The following MME variants were observed in gnomAD, a reference collection of about 807,000 sequenced individuals.
MME encodes membrane metalloendopeptidase, also known as neprilysin.
Under a neutral mutation model 113.2 loss-of-function variants are expected in MME, and 98 were observed. The observed-to-expected ratio is 0.87, with a 90% confidence interval of 0.74 to 1.02. The LOEUF (loss-of-function observed/expected upper bound fraction) is 1.02, where lower values mean the gene tolerates loss of function less well. Among genes scored for constraint, MME ranks in the 50% least tolerant of loss-of-function variants. The probability of loss-of-function intolerance (pLI) is 0.00; values close to 1 mark genes in which losing one functional copy is unlikely to be tolerated. For synonymous variants in MME, 292 were observed against 300.6 expected (o/e 0.97, Z 0.30); for missense variants, 836 against 896.0 (o/e 0.93, Z 0.86).
At chr3:155,153,424 CAT>C (rs1722089940) in intron 16 of MME, among the ~76,000 whole-genome samples, 1 of 152,150 alleles carries the variant, frequency 6.6e-6, no homozygotes, top group South Asian at 2.1e-4. Context: ...GTCATTATAA[CAT>C]AGAAATAGTG....
chr3:155,113,235 GT>G (rs921908413), intron 3 of MME, among the ~76,000 whole-genome samples: 1 of 152,144 alleles, frequency 6.6e-6, no homozygotes, highest in African/African-American at 2.4e-5. Context: ...AAAGGGGAAG[GT>G]AGGGTGATAC....
intron 3 of MME, among the ~76,000 whole-genome samples, chr3:155,104,710 G>T (rs1045342055): frequency 1.3e-5 from 2 of 152,164 alleles, no homozygotes; most frequent in Non-Finnish European, 2.9e-5. Context: ...CAGGGTCCAG[G>T]GAACTTGGGA....
rs974136227 is a variant in MME at position 155,065,678 on chromosome 3, A to G, written c.-10-18480A>G. Among the ~76,000 whole-genome samples, 6 of 152,354 alleles carry G rather than the reference A, an allele frequency of 3.9e-5. No homozygotes were observed. In the East Asian group the frequency reaches 7.7e-4, roughly 20 times the overall value. ...ACAAAGGTTAAGTTTTGGATTGCCT[A>G]ACTTAAAACATGAGTGAGATGACTT... On this transcript the variant is annotated intron_variant, in intron 1 of 22. Transcript: ENST00000492661.
chr3:155,135,059 G>A (rs1300461973), intron 8 of MME, among the ~76,000 whole-genome samples: 1 of 151,994 alleles, frequency 6.6e-6, no homozygotes. Flanking sequence ...TGCCTAGTTT[G>A]GGAATGTTTT....
At chr3:155,071,159 C>G (rs2108144298) in intron 1 of MME, among the ~76,000 whole-genome samples, 1 of 152,310 alleles carries the variant, frequency 6.6e-6, no homozygotes, top group Middle Eastern at 3.4e-3. Context: ...AAACTACCCT[C>G]CTTTCCCGTT....
chr3:155,150,988 A>C (rs1721880485), intron 16 of MME, among the ~76,000 whole-genome samples: 1 of 152,172 alleles, frequency 6.6e-6, no homozygotes, highest in South Asian at 2.1e-4. Flanking sequence ...CCTGCTTAAT[A>C]GTAATAAAGT....
chr3:155,143,287 G>A (rs1291495874), intron 12 of MME, among the ~76,000 whole-genome samples, 156 bp from the exon 13 acceptor site: 1 of 152,112 alleles, frequency 6.6e-6, no homozygotes. Context: ...CAATCCATTT[G>A]GATTACATTT....
chr3:155,061,761 A>C (rs1057073212), intron 1 of MME, among the ~76,000 whole-genome samples: 4 of 149,672 alleles, frequency 2.7e-5, no homozygotes, highest in Non-Finnish European at 4.4e-5. Flanking sequence ...TCATGGATTC[A>C]GGCCATTCTT....
chr3:155,039,403 G>T (rs1713232093), intron 1 of MME, among the ~76,000 whole-genome samples: 2 of 152,168 alleles, frequency 1.3e-5, no homozygotes, highest in South Asian at 4.1e-4. Context: ...GTATATTGTA[G>T]AATTGCGCAG....
At chr3:155,075,724 T>C (rs1327033778), upstream of MME, among the ~76,000 whole-genome samples, 3 of 152,188 alleles carry the variant, frequency 2.0e-5, no homozygotes, top group Non-Finnish European at 4.4e-5. Context: ...GGTCTCACTA[T>C]GTTGCTCAGG....
chr3:155,057,877 C>T (rs1019052648), intron 1 of MME, among the ~76,000 whole-genome samples: 8 of 151,928 alleles, frequency 5.3e-5, no homozygotes, highest in Non-Finnish European at 1.2e-4. Context: ...CCCTGTCTTG[C>T]TTATATATCT....
At chr3:155,055,592 G>A (rs1443194482) in intron 1 of MME, among the ~76,000 whole-genome samples, 8 of 149,066 alleles carry the variant, frequency 5.4e-5, no homozygotes, top group African/African-American at 1.2e-4. Flanking sequence ...GCAAGACACC[G>A]TCTCAAAAAA....
chr3:155,142,017 T>C lies in MME; in HGVS notation c.984T>C (p.Asn328=), dbSNP rs201415927. The change falls in exon 11 of 23, where the codon AAT becomes AAC. Residue 328 remains asparagine (N), a synonymous_variant. Transcript: ENST00000360490. ...GKPFSWLNFT[N]EIMSTVNISI... ...CATTCAGCTGGTTGAATTTCACAAA[T>C]GAAATCATGTCAACTGTGAATATTA... 3 of 1,613,718 alleles carry C rather than the reference T, an allele frequency of 1.9e-6. No individual in the cohort carries two copies. Among genetic ancestry groups the C allele is most frequent in the Admixed American group, 3.3e-5 (2 of 59,972 alleles).
At chr3:155,055,891 T>A (rs1268700256) in intron 1 of MME, among the ~76,000 whole-genome samples, 1 of 152,102 alleles carries the variant, frequency 6.6e-6, no homozygotes, top group Non-Finnish European at 1.5e-5. Context: ...AATTATAGGG[T>A]TTTTGTATTA....
chr3:155,059,172 T>A (rs1012301512), intron 1 of MME, among the ~76,000 whole-genome samples: 1 of 150,124 alleles, frequency 6.7e-6, no homozygotes, highest in Non-Finnish European at 1.5e-5. Flanking sequence ...GGAGAATCGC[T>A]TGAACCCGGC....
intron 21 of MME, 78 bp downstream of exon 21, chr3:155,172,290 T>C: frequency 2.0e-6 from 2 of 994,332 alleles, no homozygotes; most frequent in Non-Finnish European, 3.2e-6. Flanking sequence ...TGTCACATGC[T>C]GAGTTCCCTT....
chr3:155,109,581 T>A (rs1312674036), intron 3 of MME, among the ~76,000 whole-genome samples: 1 of 152,234 alleles, frequency 6.6e-6, no homozygotes, highest in African/African-American at 2.4e-5. Flanking sequence ...TATGGGACTA[T>A]ACTTTTTTGA....
At chr3:155,104,073 A>G (rs1717485034) in intron 3 of MME, among the ~76,000 whole-genome samples, 1 of 152,204 alleles carries the variant, frequency 6.6e-6, no homozygotes, top group Non-Finnish European at 1.5e-5. Context: ...GTTACCATCT[A>G]GGAGTTCACG....
rs1208709767 is a variant in MME at position 155,140,192 on chromosome 3, C to T, written c.857C>T (p.Ala286Val). 2.7e-5 allele frequency: 44 copies of T among 1,604,688 alleles called. No individual in the cohort carries two copies. Among genetic ancestry groups the T allele is most frequent in the Non-Finnish European group, 3.7e-5 (43 of 1,172,954 alleles). ...AATGATTAAAAATTAAATCCATAGG[C>T]TACGGCTAAACCTGAAGATCGAAAT... ...VMELEKEIAN[A>V]TAKPEDRNDP... Residue 286 changes from alanine to valine, a missense_variant and splice_region_variant, in exon 10 of 23, where the codon GCT becomes GTT. Coordinates refer to ENST00000360490, the MANE Select transcript of MME (RefSeq NM_007289.4).
Sources: allele counts gnomAD v4.1 joint callset (sites outside exome capture counted in the v4.1 genomes callset), GRCh38; gene constraint gnomAD v4.1.1; transcripts MANE v1.5; gene names NCBI Gene and HGNC (gene_info 2026-07-23, HGNC 2026-07-21).